Variants in MEMO1 observed in about 807,000 individuals in gnomAD.
MEMO1 encodes mediator of cell motility 1.
In MEMO1, 6 loss-of-function variants were observed where a neutral mutation model predicts 45.2. That is an observed-to-expected ratio of 0.13 (90% confidence interval 0.07 to 0.26). The LOEUF (loss-of-function observed/expected upper bound fraction) is 0.26, where lower values mean the gene tolerates loss of function less well. Ranked by LOEUF, MEMO1 falls within the 10% of genes least tolerant of loss-of-function variation. The pLI is 1.00. For synonymous variants in MEMO1, 78 were observed against 124.3 expected (o/e 0.63, Z 2.48); for missense variants, 184 against 370.5 (o/e 0.50, Z 4.13).
At chr2:31,957,675 C>T (rs1667556958) in intron 2 of MEMO1, among the ~76,000 whole-genome samples, 1 of 152,214 alleles carries the variant, frequency 6.6e-6, no homozygotes, top group Admixed American at 6.5e-5. Flanking sequence ...AGAGAACAGT[C>T]AAGACATGAA....
chr2:31,982,442 T>C (rs1395446404), intron 2 of MEMO1, among the ~76,000 whole-genome samples: 1 of 150,958 alleles, frequency 6.6e-6, no homozygotes, highest in East Asian at 1.9e-4. Context: ...ATGCAAAAAT[T>C]AGCTGGGCAT....
chr2:32,007,534 A>G (rs1213314130), intron 2 of MEMO1, among the ~76,000 whole-genome samples: 2 of 150,258 alleles, frequency 1.3e-5, no homozygotes, highest in African/African-American at 2.5e-5. Context: ...TGTAATATTT[A>G]TATATGTACA....
In MEMO1 at chr2:31,868,538, C is replaced by G. The variant is rs965009435; in HGVS notation, c.763-46G>C. On this transcript the variant is annotated intron_variant, in intron 9 of 9. Coordinates refer to ENST00000404530, the MANE Select transcript of MEMO1 (RefSeq NM_001301833.4). ...GTTAGGACACACATCACATAAAAAA[C>G]TGGGCACTCAATGTGTTTGCGGTTT... is the stretch of plus-strand genomic sequence containing the variant. 3.3e-6 allele frequency: 5 copies of G among 1,525,548 alleles called. No homozygotes were observed. In the African/African-American group the frequency reaches 7.1e-5, roughly 22 times the overall value. 94.5% of individuals were successfully genotyped at this position (1,525,548 alleles called of 1,614,324 possible).
intron 6 of MEMO1, among the ~76,000 whole-genome samples, chr2:31,912,395 C>G (rs887237826): frequency 1.3e-5 from 2 of 151,696 alleles, no homozygotes; most frequent in African/African-American, 4.8e-5. Context: ...TGCCTGTAAT[C>G]CCAGCCACTC....
At chr2:31,871,962 C>T (rs1234521356) in intron 8 of MEMO1, among the ~76,000 whole-genome samples, 1 of 150,386 alleles carries the variant, frequency 6.6e-6, no homozygotes, top group African/African-American at 2.5e-5. Flanking sequence ...TGCAGTGACC[C>T]GAGATTGTGC....
intron 8 of MEMO1, among the ~76,000 whole-genome samples, chr2:31,883,038 T>A (rs1675649023): frequency 6.6e-6 from 1 of 152,108 alleles, no homozygotes; most frequent in South Asian, 2.1e-4. Context: ...AAACAGGAAT[T>A]AGAGTCAAGG....
chr2:31,933,316 T>C (rs1327114664), intron 3 of MEMO1, among the ~76,000 whole-genome samples: 2 of 35,212 alleles, frequency 5.7e-5, no homozygotes, highest in East Asian at 9.8e-4. Context: ...TACCACCTCT[T>C]TAAAAAAAAA....
intron 2 of MEMO1, among the ~76,000 whole-genome samples, chr2:32,000,685 C>T (rs1184300554): frequency 2.6e-5 from 4 of 152,130 alleles, no homozygotes; most frequent in Non-Finnish European, 5.9e-5. Flanking sequence ...CCTTTCAATG[C>T]TATTTAATAT....
chr2:31,911,405 G>A (rs1680550429), intron 6 of MEMO1, among the ~76,000 whole-genome samples: 1 of 152,200 alleles, frequency 6.6e-6, no homozygotes, highest in South Asian at 2.1e-4. Context: ...GTGAAGCACT[G>A]ATTTTTAGGG....
chr2:31,969,274 T>C lies in MEMO1; in HGVS notation c.62-25891A>G, dbSNP rs183999094. On this transcript the variant is annotated intron_variant, in intron 2 of 9. Coordinates refer to ENST00000404530, the MANE Select transcript of MEMO1 (RefSeq NM_001301833.4). Reference sequence around the variant, plus strand: ...AGCAGGCTACAAAGCTATATATATATATATATCCTGCTTTATACATAATAT... The same window carrying C: ...AGCAGGCTACAAAGCTATATATATACATATATCCTGCTTTATACATAATAT... Among the ~76,000 whole-genome samples the C allele has an allele frequency of 1.3e-4, 20 of 151,282 alleles. No individual in the cohort carries two copies. The East Asian group carries it at 3.7e-3, about 28-fold the overall frequency.
At chr2:31,906,945 A>C (rs189334413) in intron 6 of MEMO1, among the ~76,000 whole-genome samples, 1 of 152,196 alleles carries the variant, frequency 6.6e-6, no homozygotes, top group Non-Finnish European at 1.5e-5. Flanking sequence ...TTTTCTAACT[A>C]TGCAACCCAG....
At chr2:31,953,049 T>C (rs1667008753) in intron 2 of MEMO1, among the ~76,000 whole-genome samples, 1 of 152,204 alleles carries the variant, frequency 6.6e-6, no homozygotes, top group Admixed American at 6.5e-5. Flanking sequence ...ATTATGTATC[T>C]ATACTTATAA....
At chr2:32,007,808 T>C (rs7598154) in intron 2 of MEMO1, among the ~76,000 whole-genome samples, 22,188 of 152,180 alleles carry the variant, frequency 0.15, 1,841 homozygotes, top group Middle Eastern at 0.22. Flanking sequence ...TAAAGACAGG[T>C]GTTACTAAAC....
At chr2:31,891,900 T>TA (rs879062511) in intron 7 of MEMO1, 92 bp downstream of exon 7, 3 of 1,333,104 alleles carry the variant, frequency 2.3e-6, no homozygotes, top group East Asian at 2.3e-5. Context: ...AGGAAAGTGA[T>TA]AAAAAACTGA....
chr2:31,920,487 T>C (rs749377212), intron 5 of MEMO1, among the ~76,000 whole-genome samples: 12 of 152,058 alleles, frequency 7.9e-5, no homozygotes, highest in African/African-American at 2.4e-4. Context: ...CTTTATGAAA[T>C]TGGTATGGGT....
At chr2:31,938,728 GATTA>G (rs909981173) in intron 3 of MEMO1, among the ~76,000 whole-genome samples, 10 of 151,292 alleles carry the variant, frequency 6.6e-5, no homozygotes, top group African/African-American at 2.2e-4. Flanking sequence ...GTAAGTTTTT[GATTA>G]ATGTGATTTT....
chr2:31,947,947 C>T (rs1235132248), intron 2 of MEMO1, among the ~76,000 whole-genome samples: 1 of 152,214 alleles, frequency 6.6e-6, no homozygotes, highest in Non-Finnish European at 1.5e-5. Flanking sequence ...CTCCTCCTTA[C>T]TCTAGACAAA....
intron 2 of MEMO1, among the ~76,000 whole-genome samples, chr2:31,952,305 T>C (rs1666929437): frequency 1.3e-5 from 2 of 152,188 alleles, no homozygotes; most frequent in Non-Finnish European, 2.9e-5. Context: ...CAGAATACAA[T>C]AGCAGAGGGC....
At chr2:32,004,991 A>G (rs1558572701) in intron 2 of MEMO1, among the ~76,000 whole-genome samples, 1 of 152,084 alleles carries the variant, frequency 6.6e-6, no homozygotes, top group Non-Finnish European at 1.5e-5. Flanking sequence ...TAAGGCATAT[A>G]TCCATCAAAA....
Sources: allele counts gnomAD v4.1 joint callset (sites outside exome capture counted in the v4.1 genomes callset), GRCh38; gene constraint gnomAD v4.1.1; transcripts MANE v1.5; gene names NCBI Gene and HGNC (gene_info 2026-07-23, HGNC 2026-07-21).